The following MORC3 variants were observed in gnomAD, a reference collection of about 807,000 sequenced individuals.
The protein encoded by MORC3 is MORC family CW-type zinc finger protein 3.
MORC3 carries 31 observed loss-of-function variants against 109.1 expected under a neutral mutation model. The observed-to-expected ratio is 0.28, with a 90% CI of 0.21 to 0.38. MORC3 has a LOEUF of 0.38. Ranked by LOEUF, MORC3 falls within the 10% of genes least tolerant of loss-of-function variation. The pLI, the probability that MORC3 is intolerant of heterozygous loss-of-function variation, is 1.00. For synonymous variants in MORC3, 395 were observed against 380.7 expected (o/e 1.04, Z -0.44); for missense variants, 867 against 1,135.8 (o/e 0.76, Z 3.40).
chr21:36,338,956 G>A, intron 5 of MORC3, 35 bp downstream of exon 5: 1 of 1,606,628 alleles, frequency 6.2e-7, no homozygotes, highest in South Asian at 1.1e-5. Flanking sequence ...CGTTTGGGAA[G>A]TAAAGTGCAC....
chr21:36,323,983 C>G (rs375429647), intron 1 of MORC3, among the ~76,000 whole-genome samples: 2 of 151,936 alleles, frequency 1.3e-5, no homozygotes, highest in Admixed American at 6.6e-5. Flanking sequence ...TCAAGCGATT[C>G]TCCCGCCTCA....
At chr21:36,330,831 T>C (rs140189948) in intron 1 of MORC3, among the ~76,000 whole-genome samples, 260 of 152,332 alleles carry the variant, frequency 1.7e-3, no homozygotes, top group Non-Finnish European at 2.9e-3. Context: ...AAAAGACTTC[T>C]TGTGCAAGAT....
At chr21:36,348,464 A>G (rs970888248) in intron 8 of MORC3, among the ~76,000 whole-genome samples, 10 of 152,094 alleles carry the variant, frequency 6.6e-5, no homozygotes, top group South Asian at 2.1e-4. Context: ...CTGGAGTGCA[A>G]TGGCACGATC....
chr21:36,368,276 A>G (rs564313261), intron 14 of MORC3, among the ~76,000 whole-genome samples: 36 of 152,220 alleles, frequency 2.4e-4, no homozygotes, highest in Admixed American at 9.8e-4. Context: ...CTTATCTTTG[A>G]TCACTGATTA....
intron 5 of MORC3, 112 bp from the exon 6 acceptor site, chr21:36,341,287 G>A: frequency 3.0e-6 from 3 of 996,492 alleles, no homozygotes; most frequent in Non-Finnish European, 4.4e-6. Flanking sequence ...CCACTGACGT[G>A]CACCATGTGT....
In MORC3 at chr21:36,353,755, A is replaced by ATTTTTTTTTTTTTTTTTTTTTTTTT. The variant is rs1202729285; in HGVS notation, c.1104-2843_1104-2842insTTTTTTTTTTTTTTTTTTTTTTTTT. 6.5e-4 allele frequency among the ~76,000 whole-genome samples: 46 copies of ATTTTTTTTTTTTTTTTTTTTTTTTT among 70,994 alleles called. 10 individuals are homozygous for ATTTTTTTTTTTTTTTTTTTTTTTTT. The highest frequency in any genetic ancestry group is 2.7e-3 in the African/African-American group (41 of 14,922). 46.6% of individuals were successfully genotyped at this position (70,994 alleles called of 152,430 possible). ...GCCACCAAGCCCGGCTAATTTTTGT[A>ATTTTTTTTTTTTTTTTTTTTTTTTT]TTTTTTTTTTTTTTTTTTTTTTAGT... On this transcript the variant is annotated intron_variant, in intron 9 of 16. Transcript: ENST00000400485.
chr21:36,333,767 GTTTT>G, intron 2 of MORC3, 49 bp downstream of exon 2: 1 of 912,708 alleles, frequency 1.1e-6, no homozygotes, highest in Non-Finnish European at 1.6e-6. Flanking sequence ...CAATTGTAGT[GTTTT>G]TTTTTTTGTT....
rs1033991640 is a variant in MORC3 at position 36,369,702 on chromosome 21, A to G, written c.2334A>G (p.Glu778=). Residue 778 remains glutamate, a synonymous_variant, in exon 15 of 17, where the codon GAA becomes GAG. Coordinates refer to ENST00000400485, the MANE Select transcript of MORC3 (RefSeq NM_015358.3). The part of the protein sequence containing the change: ...HMVSQYQQAL[E]EIERLKKQCS... ...TATCTCAGTATCAGCAAGCTTTGGA[A>G]GAAATAGAAAGGCTGAAAAAACAAT... 6.2e-7 allele frequency: 1 copy of G among 1,614,220 alleles called. No homozygotes were observed. The highest frequency in any genetic ancestry group is 8.5e-7 in the Non-Finnish European group (1 of 1,180,046).
chr21:36,327,028 T>C (rs1472633702), intron 1 of MORC3, among the ~76,000 whole-genome samples: 1 of 151,948 alleles, frequency 6.6e-6, no homozygotes, highest in Non-Finnish European at 1.5e-5. Context: ...TTGCCCAGGC[T>C]GGTCTTGAAC....
intron 8 of MORC3, among the ~76,000 whole-genome samples, chr21:36,349,011 G>T (rs1023712275): frequency 3.3e-5 from 5 of 151,946 alleles, no homozygotes; most frequent in African/African-American, 1.2e-4. Flanking sequence ...AATTAGCTGG[G>T]TTTGGTGGTG....
intron 1 of MORC3, among the ~76,000 whole-genome samples, chr21:36,331,795 C>G (rs1334977560): frequency 6.6e-6 from 1 of 152,102 alleles, no homozygotes; most frequent in Admixed American, 6.5e-5. Flanking sequence ...GCATTGCGTT[C>G]AAACGAAAAA....
rs1443938182 is a variant in MORC3, at chr21:36,344,714, T to C, written c.885+7T>C. 1.2e-6 allele frequency: 2 copies of C among 1,612,822 alleles called. No homozygotes were observed. The highest frequency in any genetic ancestry group is 4.5e-5 in the East Asian group (2 of 44,836). The stretch of plus-strand genomic sequence containing the variant: ...TTATCGACCAAAATTTTTAGTATCC[T>C]TTTTCTGATTCCTTATAGAGATATG... On this transcript the variant is annotated splice_region_variant and intron_variant, in intron 7 of 16. Transcript: ENST00000400485.
intron 7 of MORC3, 56 bp downstream of exon 7, chr21:36,344,763 C>A: frequency 6.3e-7 from 1 of 1,597,462 alleles, no homozygotes; most frequent in East Asian, 2.2e-5. Flanking sequence ...TTCTCTTTTG[C>A]CCCTTTCCCC....
chr21:36,363,612 AAAAAC>A (rs754354459), intron 13 of MORC3, among the ~76,000 whole-genome samples: 9 of 152,228 alleles, frequency 5.9e-5, no homozygotes, highest in Non-Finnish European at 1.0e-4. Context: ...ACTGAAAGTG[AAAAAC>A]AAAACAAAAA....
chr21:36,342,066 A>G (rs943506717), intron 6 of MORC3, among the ~76,000 whole-genome samples: 2 of 152,098 alleles, frequency 1.3e-5, no homozygotes, highest in African/African-American at 4.8e-5. Context: ...CGTCTCTACT[A>G]AAAATGCAAA....
chr21:36,327,004 C>A (rs532955650), intron 1 of MORC3, among the ~76,000 whole-genome samples: 1 of 151,276 alleles, frequency 6.6e-6, no homozygotes, highest in Non-Finnish European at 1.5e-5. Flanking sequence ...TTAGTAGAGA[C>A]GGGTTTTGCC....
chr21:36,339,281 G>A (rs572414045), intron 5 of MORC3: 6 of 162,442 alleles, frequency 3.7e-5, no homozygotes, highest in Middle Eastern at 3.0e-3. Context: ...CACCATGCCC[G>A]GCTAACTTTT....
chr21:36,369,348 CG>C lies in MORC3; in HGVS notation c.1981del (p.Val661Ter). 6.2e-7 allele frequency: 1 copy of C among 1,614,080 alleles called. No individual in the cohort carries two copies. The highest frequency in any genetic ancestry group is 1.3e-5 in the African/African-American group (1 of 75,024). Reference sequence around the variant, plus strand: ...AAGAAACTGTTGAAGACGAGATAGACGTAAGAAATGATGCAGTGATTCTGCC... The same window carrying C: ...AAGAAACTGTTGAAGACGAGATAGACTAAGAAATGATGCAGTGATTCTGCC... ...KEETVEDEID[V>X]RNDAVILPSC... On this transcript the variant is annotated frameshift_variant, in exon 15 of 17. Coordinates refer to ENST00000400485, the MANE Select transcript of MORC3 (RefSeq NM_015358.3). LOFTEE classifies it high-confidence loss of function.
At chr21:36,352,259 TACAC>T (rs2085580897) in intron 9 of MORC3, among the ~76,000 whole-genome samples, 1 of 152,100 alleles carries the variant, frequency 6.6e-6, no homozygotes, top group Non-Finnish European at 1.5e-5. Flanking sequence ...ACAGAGTATT[TACAC>T]ACACACGGCA....
Sources: gnomAD v4.1 joint callset for allele counts (sites outside exome capture counted in the v4.1 genomes callset) on GRCh38, gnomAD v4.1.1 for gene constraint, MANE v1.5 for transcripts, NCBI Gene and HGNC (gene_info 2026-07-23, HGNC 2026-07-21) for gene names.